COL24A1: variants seen among roughly 807,000 people sequenced by gnomAD.
COL24A1 encodes collagen alpha-1(XXIV) chain.
COL24A1 carries 224 observed loss-of-function variants against 253.9 expected under a neutral mutation model. The observed-to-expected ratio is 0.88, with a 90% CI of 0.79 to 0.99. The LOEUF (loss-of-function observed/expected upper bound fraction) is 0.99. Ranked by LOEUF, COL24A1 falls within the 50% of genes least tolerant of loss-of-function variation. COL24A1 has a pLI of 0.00. For synonymous variants in COL24A1, 685 were observed against 673.7 expected (o/e 1.02, Z -0.26); for missense variants, 2,131 against 2,068.5 (o/e 1.03, Z -0.59).
chr1:86,069,903 T>C (rs1701750919), intron 7 of COL24A1, among the ~76,000 whole-genome samples: 3 of 152,062 alleles, frequency 2.0e-5, no homozygotes, highest in Non-Finnish European at 4.4e-5. Flanking sequence ...AATACCTAAC[T>C]CTTCAATGCC....
At chr1:86,102,878 T>C (rs1405102912) in intron 5 of COL24A1, among the ~76,000 whole-genome samples, 3 of 152,188 alleles carry the variant, frequency 2.0e-5, no homozygotes, top group African/African-American at 7.2e-5. Flanking sequence ...GTGAGTTCTG[T>C]AGATGTCTAT....
intron 5 of COL24A1, among the ~76,000 whole-genome samples, chr1:86,094,811 A>G (rs1703784099): frequency 6.6e-6 from 1 of 151,986 alleles, no homozygotes; most frequent in South Asian, 2.1e-4. Context: ...AAAAGTTAAT[A>G]TACTTAGAAT....
Position 85,991,855 on chromosome 1 carries a change from G to C in COL24A1, c.2311-4201C>G, listed in dbSNP as rs531831390. ...AAAGCTAACAAATATATAAGCACAA[G>C]TTTATTTTTTATTTTTTATTTTTAT... On this transcript the variant is annotated intron_variant, in intron 19 of 59. Transcript: ENST00000370571. Among the ~76,000 whole-genome samples, 572 of 151,302 alleles carry C rather than the reference G, an allele frequency of 3.8e-3. 5 individuals carry two copies. The highest frequency in any genetic ancestry group is 0.013 in the African/African-American group (552 of 41,220).
At chr1:85,881,586 CTG>C (rs1423626085) in intron 32 of COL24A1, among the ~76,000 whole-genome samples, 1 of 152,104 alleles carries the variant, frequency 6.6e-6, no homozygotes, top group Non-Finnish European at 1.5e-5. Flanking sequence ...GATCACGCCA[CTG>C]CATTCCAGCC....
At chr1:85,832,681 T>C in intron 43 of COL24A1, among the ~76,000 whole-genome samples, 1 of 151,270 alleles carries the variant, frequency 6.6e-6, no homozygotes. Flanking sequence ...TTATTCTCTT[T>C]GAAGCAATTG....
intron 5 of COL24A1, among the ~76,000 whole-genome samples, chr1:86,108,637 AAAAAAAAAAAAAAT>A (rs1705234261): frequency 6.7e-6 from 1 of 149,988 alleles, no homozygotes. Context: ...AAAAAAAAAA[AAAAAAAAAAAAAAT>A]TTTAAATTAG....
chr1:85,855,538 A>T (rs1448086866), intron 37 of COL24A1, among the ~76,000 whole-genome samples: 1 of 152,166 alleles, frequency 6.6e-6, no homozygotes, highest in Non-Finnish European at 1.5e-5. Flanking sequence ...TGTTGAACCA[A>T]TCTTGCATCC....
intron 24 of COL24A1, among the ~76,000 whole-genome samples, chr1:85,938,094 T>A (rs1688391458): frequency 6.8e-6 from 1 of 146,934 alleles, no homozygotes; most frequent in African/African-American, 2.5e-5. Context: ...AGCTAGGAGG[T>A]GATGCTTTAT....
chr1:85,827,986 CT>C (rs1224348820), intron 43 of COL24A1, among the ~76,000 whole-genome samples: 1 of 151,924 alleles, frequency 6.6e-6, no homozygotes, highest in Non-Finnish European at 1.5e-5. Flanking sequence ...TTTGCTCTTG[CT>C]TTTCTAGTTC....
intron 19 of COL24A1, among the ~76,000 whole-genome samples, chr1:86,004,966 G>A (rs1453215701): frequency 6.6e-6 from 1 of 152,152 alleles, no homozygotes; most frequent in African/African-American, 2.4e-5. Flanking sequence ...GATACACTGG[G>A]CACCTTCTTG....
intron 53 of COL24A1, among the ~76,000 whole-genome samples, chr1:85,768,798 C>T (rs1667653684): frequency 6.6e-6 from 1 of 152,102 alleles, no homozygotes; most frequent in Non-Finnish European, 1.5e-5. Context: ...TTAGACAGCT[C>T]ATTATTACAT....
chr1:86,112,427 T>G lies in COL24A1; in HGVS notation c.1599+140A>C, dbSNP rs758116188. 6.3e-6 allele frequency: 4 copies of G among 637,176 alleles called. No individual in the cohort carries two copies. The Admixed American group carries it at 8.9e-5, about 14-fold the overall frequency. The allele number at this position is 637,176 out of a possible 1,614,324, so 39.5% of individuals were successfully genotyped here. The stretch of plus-strand genomic sequence containing the variant: ...GCTCTCTGCCAGGCTAAGACAATCA[T>G]GTTGAAGAATCATGCTCTGGAGGTG... On this transcript the variant is annotated intron_variant, in intron 5 of 59. Coordinates refer to ENST00000370571, the MANE Select transcript of COL24A1 (RefSeq NM_152890.7).
chr1:86,013,095 A>C (rs1309210887), intron 19 of COL24A1, among the ~76,000 whole-genome samples: 1 of 152,184 alleles, frequency 6.6e-6, no homozygotes, highest in African/African-American at 2.4e-5. Flanking sequence ...ACAGATGAGG[A>C]AAGGCCCAGG....
Position 85,786,409 on chromosome 1 carries a change from G to C in COL24A1, c.4004C>G (p.Pro1335Arg). Reference sequence around the variant, plus strand: ...CAAGCCTGATGAACCCTTTACTCCTGGAGGACCTGGAGCCCCAGCAAGACC... The same window carrying C: ...CAAGCCTGATGAACCCTTTACTCCTCGAGGACCTGGAGCCCCAGCAAGACC... ...RTGLAGAPGP[P>R]GVKGSSGLPG... is the part of the protein sequence containing the mutation. Residue 1335 changes from proline to arginine, a missense_variant, in exon 48 of 60, where the codon CCA becomes CGA. Physicochemically the swap from Pro to Arg is moderately radical, Grantham distance 103 (BLOSUM62 -2). Coordinates refer to ENST00000370571, the MANE Select transcript of COL24A1 (RefSeq NM_152890.7). The C allele has an allele frequency of 6.2e-7, 1 of 1,613,644 alleles. No individual in the cohort carries two copies. The highest frequency in any genetic ancestry group is 1.1e-5 in the South Asian group (1 of 90,996).
chr1:85,955,257 TC>T (rs2100617779), intron 24 of COL24A1, among the ~76,000 whole-genome samples: 1 of 152,228 alleles, frequency 6.6e-6, no homozygotes, highest in East Asian at 1.9e-4. Flanking sequence ...AAGACCACCT[TC>T]CCATTCCATC....
intron 5 of COL24A1, among the ~76,000 whole-genome samples, chr1:86,102,453 T>C (rs1233213715): frequency 6.6e-6 from 1 of 152,218 alleles, no homozygotes; most frequent in African/African-American, 2.4e-5. Context: ...CTCTTGGTTA[T>C]CCAGTTCTTT....
chr1:85,737,679 T>C (rs1186908221), intron 57 of COL24A1, among the ~76,000 whole-genome samples, 174 bp from the exon 58 acceptor site: 3 of 152,068 alleles, frequency 2.0e-5, no homozygotes, highest in Non-Finnish European at 4.4e-5. Context: ...TTCTCATGCC[T>C]CAACCTCCTG....
At chr1:85,977,606 AG>A (rs1692817158) in intron 20 of COL24A1, among the ~76,000 whole-genome samples, 1 of 152,172 alleles carries the variant, frequency 6.6e-6, no homozygotes, top group Admixed American at 6.5e-5. Context: ...AGACTAGGAC[AG>A]GTAGAAGAAA....
At chr1:85,766,793 T>C (rs1667427514) in intron 53 of COL24A1, among the ~76,000 whole-genome samples, 1 of 152,120 alleles carries the variant, frequency 6.6e-6, no homozygotes, top group Non-Finnish European at 1.5e-5. Context: ...TAATAAATTT[T>C]CCTCCATGGA....
Sources: gnomAD v4.1 joint callset for allele counts (sites outside exome capture counted in the v4.1 genomes callset) on GRCh38, gnomAD v4.1.1 for gene constraint, MANE v1.5 for transcripts, NCBI Gene and HGNC (gene_info 2026-07-23, HGNC 2026-07-21) for gene names.